RAD51B: variants seen among roughly 807,000 people sequenced by gnomAD.
RAD51B encodes the protein DNA repair protein RAD51 homolog 2.
RAD51B carries 38 observed loss-of-function variants against 42.2 expected under a neutral mutation model. The ratio of observed to expected loss-of-function variants is 0.90; its 90% CI spans 0.70 to 1.18. The LOEUF is 1.18. RAD51B is among the 50% of genes most tolerant of loss of function. The probability of loss-of-function intolerance (pLI) is 0.00; values close to 1 mark genes in which losing one functional copy is unlikely to be tolerated. For missense variants in RAD51B, 373 were observed against 400.7 expected (o/e 0.93, Z 0.59); for synonymous variants, 154 against 145.2 (o/e 1.06, Z -0.43).
chr14:68,350,307 C>G (rs1260175148), intron 8 of RAD51B, among the ~76,000 whole-genome samples: 1 of 152,194 alleles, frequency 6.6e-6, no homozygotes, highest in Non-Finnish European at 1.5e-5. Context: ...AGAATGATGG[C>G]TAAGCAAGCA....
At chr14:67,968,499 A>G (rs2074832097) in intron 7 of RAD51B, among the ~76,000 whole-genome samples, 1 of 152,170 alleles carries the variant, frequency 6.6e-6, no homozygotes. Flanking sequence ...CTGCTTAGAA[A>G]TTTCTTCTAC....
intron 7 of RAD51B, among the ~76,000 whole-genome samples, chr14:67,948,261 C>T (rs556967577): frequency 2.1e-4 from 32 of 152,246 alleles, no homozygotes; most frequent in Middle Eastern, 3.4e-3. Context: ...GTTGTAGGAT[C>T]AGATGTGATT....
At chr14:68,380,951 T>TCAATA (rs2083466676) in intron 8 of RAD51B, among the ~76,000 whole-genome samples, 1 of 152,212 alleles carries the variant, frequency 6.6e-6, no homozygotes, top group Non-Finnish European at 1.5e-5. Flanking sequence ...ATCAGTAGGG[T>TCAATA]GAGCACAGTT....
intron 7 of RAD51B, among the ~76,000 whole-genome samples, chr14:67,996,972 T>C (rs1429139759): frequency 6.6e-6 from 1 of 152,210 alleles, no homozygotes; most frequent in Non-Finnish European, 1.5e-5. Flanking sequence ...AGAGTTAAGA[T>C]AAATCTACGT....
At chr14:68,476,556 GT>G (rs1339386026) in intron 10 of RAD51B, among the ~76,000 whole-genome samples, 1 of 152,196 alleles carries the variant, frequency 6.6e-6, no homozygotes, top group Non-Finnish European at 1.5e-5. Context: ...TGAGAATCCA[GT>G]AAGTCATCTT....
chr14:68,082,568 T>G (rs955584623), intron 7 of RAD51B, among the ~76,000 whole-genome samples: 3 of 152,162 alleles, frequency 2.0e-5, no homozygotes, highest in African/African-American at 7.2e-5. Flanking sequence ...ATACAGTTAC[T>G]TGCTTACCAT....
chr14:68,265,234 A>C (rs1294505762), intron 7 of RAD51B, among the ~76,000 whole-genome samples: 1 of 152,232 alleles, frequency 6.6e-6, no homozygotes. Context: ...GAGTTACTGT[A>C]TGTTTCAAAC....
intron 9 of RAD51B, among the ~76,000 whole-genome samples, chr14:68,424,234 C>T (rs2084780161): frequency 6.6e-6 from 1 of 152,194 alleles, no homozygotes; most frequent in Non-Finnish European, 1.5e-5. Flanking sequence ...CACTTTTCCA[C>T]ATACTAATCC....
intron 7 of RAD51B, among the ~76,000 whole-genome samples, chr14:68,256,102 C>T (rs1225767086): frequency 2.0e-5 from 3 of 152,300 alleles, no homozygotes; most frequent in Non-Finnish European, 4.4e-5. Context: ...ATGTGCTGCA[C>T]CTTACCTCTG....
At chr14:68,539,231 T>A (rs1259556306) in intron 10 of RAD51B, among the ~76,000 whole-genome samples, 1 of 152,206 alleles carries the variant, frequency 6.6e-6, no homozygotes, top group African/African-American at 2.4e-5. Flanking sequence ...TTTTCTCACT[T>A]TGACCCCAGT....
At chr14:67,846,671 A>G (rs933994163) in intron 4 of RAD51B, among the ~76,000 whole-genome samples, 8 of 152,152 alleles carry the variant, frequency 5.3e-5, no homozygotes, top group African/African-American at 1.9e-4. Context: ...CCGAGGGTAC[A>G]CTGCAAGTGT....
chr14:67,965,113 C>G (rs941171326), intron 7 of RAD51B, among the ~76,000 whole-genome samples: 2 of 152,104 alleles, frequency 1.3e-5, no homozygotes, highest in African/African-American at 4.8e-5. Context: ...GGTTGCTATC[C>G]TAGTAAGTAG....
intron 7 of RAD51B, among the ~76,000 whole-genome samples, chr14:67,990,359 C>A (rs867896903): frequency 1.3e-5 from 2 of 152,158 alleles, no homozygotes. Flanking sequence ...AACAAACCAA[C>A]AAAATTCTGT....
chr14:68,255,217 T>C (rs931256239), intron 7 of RAD51B, among the ~76,000 whole-genome samples: 15 of 152,174 alleles, frequency 9.9e-5, no homozygotes, highest in African/African-American at 3.6e-4. Flanking sequence ...TCAGAAAACT[T>C]TTTCTCTTTG....
intron 10 of RAD51B, among the ~76,000 whole-genome samples, chr14:68,573,980 ATGTGTGTG>A (rs58865001): frequency 4.7e-5 from 7 of 149,710 alleles, no homozygotes; most frequent in East Asian, 2.0e-4. Flanking sequence ...CAGTGTGTGT[ATGTGTGTG>A]TGTGTGTGTG....
intron 7 of RAD51B, among the ~76,000 whole-genome samples, chr14:67,950,180 TCTCCAGCTATGAAA>T (rs1396488565): frequency 6.6e-6 from 1 of 152,084 alleles, no homozygotes; most frequent in Admixed American, 6.6e-5. Context: ...TGACTTCTGC[TCTCCAGCTATGAAA>T]GTCTGAGGTG....
At chr14:67,974,806 T>A (rs957455730) in intron 7 of RAD51B, among the ~76,000 whole-genome samples, 1 of 152,204 alleles carries the variant, frequency 6.6e-6, no homozygotes, top group African/African-American at 2.4e-5. Context: ...AATTATGATA[T>A]GTATTTTCTT....
At chr14:68,618,129 A>C (rs921194149) in intron 10 of RAD51B, among the ~76,000 whole-genome samples, 1 of 152,146 alleles carries the variant, frequency 6.6e-6, no homozygotes, top group Non-Finnish European at 1.5e-5. Context: ...CAGAGGCAAA[A>C]AATTTTGGAA....
intron 10 of RAD51B, among the ~76,000 whole-genome samples, chr14:68,632,831 A>G (rs960897145): frequency 6.6e-6 from 1 of 152,040 alleles, no homozygotes; most frequent in Non-Finnish European, 1.5e-5. Context: ...GCTGGAGTGC[A>G]GTGGTACGAT....
Sources: allele counts gnomAD v4.1 joint callset (sites outside exome capture counted in the v4.1 genomes callset), GRCh38; gene constraint gnomAD v4.1.1; transcripts MANE v1.5; gene names NCBI Gene and HGNC (gene_info 2026-07-23, HGNC 2026-07-21).